GFPT2: variants seen among roughly 807,000 people sequenced by gnomAD.
The protein encoded by GFPT2 is glutamine--fructose-6-phosphate transaminase 2.
Under a neutral mutation model 85.6 loss-of-function variants are expected in GFPT2, and 62 were observed. The ratio of observed to expected loss-of-function variants is 0.72; its 90% CI spans 0.59 to 0.90. The LOEUF (loss-of-function observed/expected upper bound fraction) is 0.90, where lower values mean the gene tolerates loss of function less well. Among genes scored for constraint, GFPT2 ranks in the 40% least tolerant of loss-of-function variants. The pLI, the probability that GFPT2 is intolerant of heterozygous loss-of-function variation, is 0.00. For missense variants in GFPT2, 788 were observed against 893.4 expected (o/e 0.88, Z 1.50); for synonymous variants, 368 against 344.5 (o/e 1.07, Z -0.75).
chr5:180,331,730 C>A (rs1764304537), intron 4 of GFPT2, 177 bp from the exon 5 acceptor site: 2 of 636,096 alleles, frequency 3.1e-6, no homozygotes, highest in Non-Finnish European at 5.7e-6. Context: ...ACAGTGGAAC[C>A]AGGGATTAGC....
intron 1 of GFPT2, among the ~76,000 whole-genome samples, chr5:180,345,835 A>G (rs1007838): frequency 0.57 from 86,005 of 152,084 alleles, 24,559 homozygotes; most frequent in South Asian, 0.68. Context: ...AGCTCCGCTC[A>G]CTGGGACCCA....
chr5:180,311,992 AGGTGGGGAGGCTGAGG>A (rs1187671360), intron 15 of GFPT2, among the ~76,000 whole-genome samples: 7 of 61,168 alleles, frequency 1.1e-4, no homozygotes, highest in African/African-American at 2.6e-4. Context: ...GGAGGCAGGG[AGGTGGGGAGGCTGAGG>A]GGCAGGGAGG....
In GFPT2 at chr5:180,315,169, G is replaced by GTTTTTC. The variant is rs368479957; in HGVS notation, c.1273+1166_1273+1171dup. Reference sequence around the variant, plus strand: ...TGTGGTAGTAACACCGTGGTCATACGTTTTTCTTTTTCTTTTTTTTTTTTT... The same window carrying GTTTTTC: ...TGTGGTAGTAACACCGTGGTCATACGTTTTTCTTTTTCTTTTTCTTTTTTTTTTTTT... On this transcript the variant is annotated intron_variant, in intron 13 of 18. Transcript: ENST00000253778. Among the ~76,000 whole-genome samples, 634 of 151,400 alleles carry GTTTTTC rather than the reference G, an allele frequency of 4.2e-3. 11 individuals are homozygous for GTTTTTC. Among genetic ancestry groups the GTTTTTC allele is most frequent in the East Asian group, 0.04 (202 of 5,086 alleles).
At chr5:180,352,372 C>T (rs1370520450) in intron 1 of GFPT2, 15 of 447,820 alleles carry the variant, frequency 3.3e-5, no homozygotes, top group Admixed American at 1.7e-4. Context: ...GCACAGTGAC[C>T]TTTTGTCCCA....
chr5:180,342,012 C>T (rs999437750), intron 1 of GFPT2, among the ~76,000 whole-genome samples: 5 of 152,042 alleles, frequency 3.3e-5, no homozygotes, highest in Non-Finnish European at 4.4e-5. Flanking sequence ...ATCATGGGGG[C>T]GGCTCTTTCC....
At position 180,324,239 on chromosome 5, in the gene GFPT2, A is replaced by T; in HGVS notation, c.743T>A (p.Leu248Gln). The T allele has an allele frequency of 1.2e-6, 2 of 1,612,798 alleles. No homozygotes were observed. Among genetic ancestry groups the T allele is most frequent in the Non-Finnish European group, 1.7e-6 (2 of 1,178,902 alleles). Residue 248 changes from leucine to glutamine, a missense_variant, in exon 9 of 19, where the codon CTG becomes CAG. By Grantham distance (113) the Leu-to-Gln change is moderately radical (BLOSUM62 -2). Coordinates refer to ENST00000253778, the MANE Select transcript of GFPT2 (RefSeq NM_005110.4). ...CACGGCCTTGTCGCCCACAGCATGCAGGCAGGCGGAGCTGTCCAGCCTCTT... is the reference window on the plus strand; with the variant it reads ...CACGGCCTTGTCGCCCACAGCATGCTGGCAGGCGGAGCTGTCCAGCCTCTT... ...RMKRLDSSAC[L>Q]HAVGDKAVEF...
rs938716003 is a variant in GFPT2 at position 180,319,520 on chromosome 5, T to C, written c.795-564A>G. ...CTCTAAGAAGTGATACAGCTAGTAATGAAGAAATAATAGAAGAATCAATTT... is the reference window on the plus strand; with the variant it reads ...CTCTAAGAAGTGATACAGCTAGTAACGAAGAAATAATAGAAGAATCAATTT... On this transcript the variant is annotated intron_variant, in intron 9 of 18. Transcript: ENST00000253778. Among the ~76,000 whole-genome samples the C allele has an allele frequency of 2.6e-5, 4 of 152,312 alleles. No individual in the cohort carries two copies. In the East Asian group the frequency reaches 7.7e-4, roughly 29 times the overall value.
At chr5:180,352,434 G>A (rs560294524) in intron 1 of GFPT2, 2 of 454,958 alleles carry the variant, frequency 4.4e-6, no homozygotes, top group South Asian at 3.1e-5. Flanking sequence ...AGCCAGGAGA[G>A]TAAAGAATTG....
At chr5:180,319,272 T>C (rs976369585) in intron 9 of GFPT2, among the ~76,000 whole-genome samples, 27 of 152,250 alleles carry the variant, frequency 1.8e-4, no homozygotes, top group Non-Finnish European at 3.4e-4. Flanking sequence ...GTTGTTCCTT[T>C]ATATCATCAA....
In GFPT2 at chr5:180,330,880, A is replaced by G. The variant is rs1764289263; in HGVS notation, c.400-46T>C. ...AGTGTGAGAGATTGGTCATTGCACA[A>G]TGCCTGCCTGGCCAACTCCCTCTCC... On this transcript the variant is annotated intron_variant, in intron 5 of 18. Coordinates refer to ENST00000253778, the MANE Select transcript of GFPT2 (RefSeq NM_005110.4). This position sits in a 1 kb window ranked among gnomAD's most constrained non-coding sequence, Gnocchi z 4.4. The G allele has an allele frequency of 3.2e-6, 5 of 1,587,202 alleles. No individual in the cohort carries two copies. The East Asian group carries it at 1.1e-4, about 36-fold the overall frequency.
At chr5:180,352,479 A>T (rs755485280) in intron 1 of GFPT2, 2 of 451,446 alleles carry the variant, frequency 4.4e-6, no homozygotes, top group South Asian at 3.1e-5. Flanking sequence ...CGCCCTCCCC[A>T]CGGTCCCGCA....
At chr5:180,302,966 A>G (rs1399039755) in intron 17 of GFPT2, among the ~76,000 whole-genome samples, 1 of 152,090 alleles carries the variant, frequency 6.6e-6, no homozygotes, top group East Asian at 1.9e-4. Flanking sequence ...GTGGTGGCTC[A>G]CGCCTGTAAT....
chr5:180,338,476 GGCGGCCGCACACCCACCTGCCGAGTCGTA>G lies in GFPT2; in HGVS notation c.103_115+16del, dbSNP rs1386802472. On this transcript the variant is annotated splice_donor_variant and splice_donor_5th_base_variant and coding_sequence_variant and intron_variant, in exon 2 of 19. Coordinates refer to ENST00000253778, the MANE Select transcript of GFPT2 (RefSeq NM_005110.4). LOFTEE classifies it high-confidence loss of function. The stretch of plus-strand genomic sequence containing the variant: ...GAGCCCGGTCCCCAGCCACGAGGCG[GGCGGCCGCACACCCACCTGCCGAGTCGTA>G]GCCTCTGTACTCCAGCCGCTGCAGG... 1.4e-6 allele frequency: 2 copies of G among 1,459,726 alleles called. No homozygotes were observed. The highest frequency in any genetic ancestry group is 1.9e-6 in the Non-Finnish European group (2 of 1,042,308). 90.4% of individuals were successfully genotyped at this position (1,459,726 alleles called of 1,614,324 possible). A position where few individuals can be genotyped will look rare whatever the true frequency, so the allele number is the denominator to read the frequency against.
chr5:180,319,519 A>T (rs1764078752), intron 9 of GFPT2, among the ~76,000 whole-genome samples: 1 of 152,244 alleles, frequency 6.6e-6, no homozygotes. Context: ...ACAGCTAGTA[A>T]TGAAGAAATA....
chr5:180,340,625 C>A (rs1361186404), intron 1 of GFPT2, among the ~76,000 whole-genome samples: 1 of 151,536 alleles, frequency 6.6e-6, no homozygotes, highest in African/African-American at 2.4e-5. Context: ...TATTCTCCTG[C>A]CTCAGCCTCC....
Position 180,312,555 on chromosome 5 carries a change from A to C in GFPT2, c.1432-11T>G. 1 of 1,376,538 alleles carries C rather than the reference A, an allele frequency of 7.3e-7. No homozygotes were observed. The highest frequency in any genetic ancestry group is 1.0e-6 in the Non-Finnish European group (1 of 963,948). 85.3% of individuals were successfully genotyped at this position (1,376,538 alleles called of 1,614,324 possible). On this transcript the variant is annotated splice_polypyrimidine_tract_variant and intron_variant, in intron 14 of 18. Coordinates refer to ENST00000253778, the MANE Select transcript of GFPT2 (RefSeq NM_005110.4). ...CTGACTGGTATAAGCCTGTGCACAA[A>C]GAAGGAGGTGGCAGGGACCTTATTT...
Position 180,312,124 on chromosome 5 carries a change from GGGGAGGCTGAGGACCAGGGAGGCA to G in GFPT2, c.1546+282_1546+305del, listed in dbSNP as rs769954163. Among the ~76,000 whole-genome samples, 63 of 63,456 alleles carry G rather than the reference GGGGAGGCTGAGGACCAGGGAGGCA, an allele frequency of 9.9e-4. 2 individuals carry two copies. Among genetic ancestry groups the G allele is most frequent in the Admixed American group, 1.7e-3 (9 of 5,332 alleles). The allele number at this position is 63,456 out of a possible 152,430, so 41.6% of individuals were successfully genotyped here. A position where few individuals can be genotyped will look rare whatever the true frequency, so the allele number is the denominator to read the frequency against. ...CTGAGGACCAGGGAGGCAGGGAGGC[GGGGAGGCTGAGGACCAGGGAGGCA>G]GGGAGGCTGAGGACCAGGGAGGCAG... On this transcript the variant is annotated intron_variant, in intron 15 of 18. Transcript: ENST00000253778.
intron 8 of GFPT2, 182 bp downstream of exon 8, chr5:180,324,634 T>TA (rs1225501152): frequency 1.5e-5 from 9 of 603,198 alleles, no homozygotes; most frequent in Admixed American, 3.0e-5. Flanking sequence ...ATAAAAAGCT[T>TA]AAAAAAAATG....
At chr5:180,324,421 T>C (rs1764174722) in intron 8 of GFPT2, 116 bp from the exon 9 acceptor site, 2 of 659,600 alleles carry the variant, frequency 3.0e-6, no homozygotes, top group Admixed American at 5.6e-5. Flanking sequence ...AATTTTTAGC[T>C]TTGGCTGTGT....
Sources: gnomAD v4.1 joint callset for allele counts (sites outside exome capture counted in the v4.1 genomes callset) on GRCh38, gnomAD v4.1.1 for gene constraint, Gnocchi (gnomAD v3.1) non-coding constraint, MANE v1.5 for transcripts, NCBI Gene and HGNC (gene_info 2026-07-23, HGNC 2026-07-21) for gene names.